Variants in RBM6 observed in about 807,000 individuals in gnomAD.
RBM6 encodes RNA binding motif protein 6.
In RBM6, 23 loss-of-function variants were observed where a neutral mutation model predicts 140.4. The observed-to-expected ratio is 0.16, with a 90% CI of 0.12 to 0.23. RBM6 has a LOEUF of 0.23. RBM6 is among the 10% of genes least tolerant of loss of function. The probability of loss-of-function intolerance (pLI) is 1.00; values close to 1 mark genes in which losing one functional copy is unlikely to be tolerated. For missense variants in RBM6, 1,139 were observed against 1,386.7 expected (o/e 0.82, Z 2.84); for synonymous variants, 439 against 475.6 (o/e 0.92, Z 1.00).
At chr3:50,033,846 A>T (rs7624030) in intron 6 of RBM6, among the ~76,000 whole-genome samples, 3 of 151,846 alleles carry the variant, frequency 2.0e-5, no homozygotes, top group South Asian at 2.1e-4. Context: ...TTTACCATGT[A>T]GGCCAGGATG....
intron 17 of RBM6, 143 bp from the exon 18 acceptor site, chr3:50,068,547 G>T (rs986343778): frequency 1.6e-6 from 1 of 638,180 alleles, no homozygotes; most frequent in Non-Finnish European, 2.7e-6. Context: ...AGGGATTGTT[G>T]GTTGCAGGAT....
chr3:49,950,994 A>G (rs886150392), intron 1 of RBM6, among the ~76,000 whole-genome samples: 1 of 152,202 alleles, frequency 6.6e-6, no homozygotes, highest in South Asian at 2.1e-4. Flanking sequence ...GTATGTACAT[A>G]TAACTGAAAA....
intron 6 of RBM6, among the ~76,000 whole-genome samples, chr3:50,025,948 G>T (rs1023755623): frequency 6.6e-6 from 1 of 152,096 alleles, no homozygotes; most frequent in South Asian, 2.1e-4. Context: ...ACAAAAATTA[G>T]CTGGGTGTGG....
intron 6 of RBM6, among the ~76,000 whole-genome samples, chr3:50,008,913 C>A (rs2086708472): frequency 6.6e-6 from 1 of 152,150 alleles, no homozygotes; most frequent in Non-Finnish European, 1.5e-5. Flanking sequence ...GATCATAATA[C>A]CACCCATAGT....
chr3:50,027,687 G>A (rs1241817394), intron 6 of RBM6, among the ~76,000 whole-genome samples: 1 of 152,172 alleles, frequency 6.6e-6, no homozygotes, highest in Admixed American at 6.5e-5. Flanking sequence ...CATTTATAGG[G>A]TTGAATAATA....
chr3:50,001,452 CAAAA>C (rs2086322453), intron 6 of RBM6, among the ~76,000 whole-genome samples: 1 of 151,364 alleles, frequency 6.6e-6, no homozygotes, highest in Non-Finnish European at 1.5e-5. Context: ...GACCCCGTCT[CAAAA>C]AACAAAAAAG....
At chr3:50,050,919 T>G (rs367770928) in intron 7 of RBM6, among the ~76,000 whole-genome samples, 35 of 152,304 alleles carry the variant, frequency 2.3e-4, no homozygotes, top group Admixed American at 4.6e-4. Context: ...TGCATGTATT[T>G]TTGTTGTTGA....
At chr3:49,945,325 A>T (rs2083441897) in intron 1 of RBM6, among the ~76,000 whole-genome samples, 1 of 152,002 alleles carries the variant, frequency 6.6e-6, no homozygotes, top group South Asian at 2.1e-4. Flanking sequence ...CTACAGGTGC[A>T]TGCCACCATG....
At chr3:50,038,092 G>T (rs966431074) in intron 6 of RBM6, among the ~76,000 whole-genome samples, 1 of 152,102 alleles carries the variant, frequency 6.6e-6, no homozygotes, top group Non-Finnish European at 1.5e-5. Flanking sequence ...AAAGTGCTGG[G>T]ATTACAGGTG....
chr3:50,070,181 C>T (rs531481524), intron 18 of RBM6, among the ~76,000 whole-genome samples: 1 of 152,146 alleles, frequency 6.6e-6, no homozygotes, highest in South Asian at 2.1e-4. Context: ...ATAGTGAAAC[C>T]CCGTCTCTAC....
At position 50,061,468 on chromosome 3, in the gene RBM6, C is replaced by G; in HGVS notation, c.2360C>G (p.Ser787Cys). The G allele has an allele frequency of 6.2e-7, 1 of 1,601,016 alleles. No homozygotes were observed. Residue 787 changes from serine (S) to cysteine (C), a missense_variant, in exon 14 of 21, where the codon TCT (serine) becomes TGT (cysteine). By Grantham distance (112) the Ser-to-Cys change is moderately radical (BLOSUM62 -1). Transcript: ENST00000266022. ...CTGATCTTGTTACCTTTAGCATCAT[C>G]TGACTGCTACATATATGATTCTGCT... is the stretch of plus-strand genomic sequence containing the variant. ...DTNRQGQQSS[S>C]DCYIYDSATG...
intron 6 of RBM6, among the ~76,000 whole-genome samples, chr3:50,006,931 CAAA>C (rs1202355520): frequency 8.6e-5 from 8 of 92,714 alleles, no homozygotes; most frequent in Non-Finnish European, 1.4e-4. Context: ...GACTCCATCT[CAAA>C]AAAAAAAAAA....
intron 15 of RBM6, 144 bp downstream of exon 15, chr3:50,062,252 C>G: frequency 1.0e-6 from 1 of 988,278 alleles, no homozygotes; most frequent in Non-Finnish European, 1.4e-6. Context: ...CGCCTGTAAT[C>G]CCAGCACTTT....
chr3:50,013,494 C>A (rs1005746514), intron 6 of RBM6, among the ~76,000 whole-genome samples: 2 of 152,066 alleles, frequency 1.3e-5, no homozygotes, highest in African/African-American at 2.4e-5. Context: ...GTGGTGAAAC[C>A]CCATCTCTAC....
Position 50,066,356 on chromosome 3 carries a change from C to T in RBM6, c.2797C>T (p.Pro933Ser), listed in dbSNP as rs747519611. Reference protein sequence around the residue: ...TPPPQPRTAQPQKREEQTKKE... With the variant: ...TPPPQPRTAQSQKREEQTKKE... ...TCCCCCACAGCCCCGCACAGCACAG[C>T]CCCAGAAGCGAGAGGAGCAAACCAA... is the stretch of plus-strand genomic sequence containing the variant. Residue 933 changes from proline (P) to serine (S), a missense_variant, in exon 17 of 21, where the codon CCC becomes TCC. This residue lies in a region of RBM6 where 23 missense variants were observed against 19.2 expected (regional missense o/e 1.20). Coordinates refer to ENST00000266022, the MANE Select transcript of RBM6 (RefSeq NM_005777.3). 5.6e-5 allele frequency: 91 copies of T among 1,613,932 alleles called. No individual in the cohort carries two copies. Among genetic ancestry groups the T allele is most frequent in the Middle Eastern group, 4.9e-4 (3 of 6,084 alleles).
At chr3:49,969,484 T>C (rs2084680693) in intron 3 of RBM6, among the ~76,000 whole-genome samples, 1 of 147,098 alleles carries the variant, frequency 6.8e-6, no homozygotes, top group African/African-American at 2.5e-5. Flanking sequence ...TATATGAATA[T>C]ATATGTATAT....
At chr3:50,023,087 C>T (rs1303570431) in intron 6 of RBM6, among the ~76,000 whole-genome samples, 2 of 151,988 alleles carry the variant, frequency 1.3e-5, no homozygotes, top group African/African-American at 4.8e-5. Context: ...GGTGACAGAG[C>T]GAGACCCTGT....
chr3:49,958,085 T>C (rs6792892), intron 1 of RBM6, among the ~76,000 whole-genome samples: 78,684 of 151,966 alleles, frequency 0.52, 21,698 homozygotes, highest in African/African-American at 0.68. Flanking sequence ...CCACCGCACC[T>C]GGCCGAGATC....
At chr3:49,982,645 C>T (rs1174913122) in intron 5 of RBM6, among the ~76,000 whole-genome samples, 15 of 149,736 alleles carry the variant, frequency 1.0e-4, no homozygotes, top group Admixed American at 2.7e-4. Flanking sequence ...CTTGAACTCC[C>T]GAGCTCAGGT....
Sources: gnomAD v4.1 joint callset for allele counts (sites outside exome capture counted in the v4.1 genomes callset) on GRCh38, gnomAD v4.1.1 for gene constraint, gnomAD v4.1.1 regional missense constraint, MANE v1.5 for transcripts, NCBI Gene and HGNC (gene_info 2026-07-23, HGNC 2026-07-21) for gene names.